Variants in PCDH19 observed in about 807,000 individuals in gnomAD.
PCDH19 encodes protocadherin 19.
Under a neutral mutation model 46.2 loss-of-function variants are expected in PCDH19, and 6 were observed. The observed-to-expected ratio is 0.13, with a 90% CI of 0.07 to 0.26. The LOEUF (loss-of-function observed/expected upper bound fraction) is 0.26. Ranked by LOEUF, PCDH19 falls within the 10% of genes least tolerant of loss-of-function variation. PCDH19 has a pLI of 1.00. For missense variants in PCDH19, 740 were observed against 972.3 expected, an observed-to-expected ratio of 0.76 and a Z score of 3.18; for synonymous variants, 481 against 415.7, an observed-to-expected ratio of 1.16 and a Z score of -1.91.
chrX:100,326,117 G>A (rs1206047851), intron 5 of PCDH19, among the ~76,000 whole-genome samples: 1 of 112,591 alleles, frequency 8.9e-6, no homozygotes, highest in Non-Finnish European at 1.9e-5. Flanking sequence ...TGTCTGAGAG[G>A]CTCCCTCCTG....
chrX:100,399,090 TGTATAATAACTGCTAATG>T (rs761262969), intron 3 of PCDH19, among the ~76,000 whole-genome samples: 1 of 112,155 alleles, frequency 8.9e-6, no homozygotes, highest in Non-Finnish European at 1.9e-5. Context: ...ACATTCTAAA[TGTATAATAACTGCTAATG>T]GGATAAATTA....
Position 100,319,857 on chromosome X carries a change from G to T in PCDH19, c.2848+22046C>A, listed in dbSNP as rs961322418. On this transcript the variant is annotated intron_variant, in intron 5 of 5. Coordinates refer to ENST00000373034, the MANE Select transcript of PCDH19 (RefSeq NM_001184880.2). ...GGAACAGCTGTGTTCTTCACTTAGG[G>T]GAAAGACCTCATTAAGTTGAAAATT... 1.1e-4 allele frequency among the ~76,000 whole-genome samples: 12 copies of T among 111,926 alleles called. No homozygotes were observed. In the East Asian group the frequency reaches 2.8e-3, roughly 26 times the overall value.
intron 5 of PCDH19, among the ~76,000 whole-genome samples, chrX:100,340,806 CA>C (rs1408851617): frequency 1.8e-5 from 2 of 111,810 alleles, no homozygotes; most frequent in African/African-American, 3.3e-5. Context: ...GACTTATTTC[CA>C]AAAACCAAAA....
intron 5 of PCDH19, among the ~76,000 whole-genome samples, chrX:100,309,730 C>T (rs192207042): frequency 3.6e-5 from 4 of 110,917 alleles, no homozygotes; most frequent in African/African-American, 9.8e-5. Context: ...GGTGTGGGAA[C>T]AAAGTTCCTG....
chrX:100,348,065 C>CAAAAAA (rs1177957771), intron 4 of PCDH19, among the ~76,000 whole-genome samples: 3 of 40,577 alleles, frequency 7.4e-5, no homozygotes, highest in African/African-American at 1.1e-4. Flanking sequence ...GATTCCGTCT[C>CAAAAAA]AAAAAAAAAA....
chrX:100,349,688 T>C (rs935682611), intron 4 of PCDH19, among the ~76,000 whole-genome samples: 2 of 112,730 alleles, frequency 1.8e-5, no homozygotes, highest in Admixed American at 9.4e-5. Context: ...ATTTCTATTA[T>C]TTTAACAAAC....
chrX:100,401,451 G>A (rs1350939700), intron 3 of PCDH19, among the ~76,000 whole-genome samples: 1 of 111,516 alleles, frequency 9.0e-6, no homozygotes, highest in Non-Finnish European at 1.9e-5. Context: ...TCAGGAGTTT[G>A]AGACCAGCCT....
chrX:100,355,296 A>C (rs1022105545), intron 3 of PCDH19, among the ~76,000 whole-genome samples: 19 of 111,413 alleles, frequency 1.7e-4, no homozygotes, highest in African/African-American at 6.2e-4. Context: ...TAATTTAACC[A>C]CTTATTGGTT....
intron 5 of PCDH19, among the ~76,000 whole-genome samples, chrX:100,329,923 CA>C: frequency 9.0e-6 from 1 of 111,095 alleles, no homozygotes; most frequent in African/African-American, 3.3e-5. Flanking sequence ...AACAAACAAA[CA>C]AAAAAAGAAC....
chrX:100,396,235 G>A (rs185507515), intron 3 of PCDH19, among the ~76,000 whole-genome samples: 1 of 112,151 alleles, frequency 8.9e-6, no homozygotes, highest in Non-Finnish European at 1.9e-5. Flanking sequence ...TTTGCCAGGA[G>A]GTGACTTCAT....
chrX:100,352,384 T>A (rs1438367377), intron 3 of PCDH19, among the ~76,000 whole-genome samples: 1 of 112,304 alleles, frequency 8.9e-6, no homozygotes, highest in East Asian at 2.8e-4. Flanking sequence ...CAGGTAAAAA[T>A]GATGTTGGTT....
Position 100,367,273 on chromosome X carries a change from G to A in PCDH19, c.2617-16569C>T, listed in dbSNP as rs143496826. The stretch of plus-strand genomic sequence containing the variant: ...ACGCTAGGGATCTGGAGATTAACCC[G>A]ATTCCACTCCTGCCCTCAAGGAGTT... On this transcript the variant is annotated intron_variant, in intron 3 of 5. Transcript: ENST00000373034. 3.1e-3 allele frequency among the ~76,000 whole-genome samples: 344 copies of A among 112,060 alleles called. 1 individual carries two copies. The highest frequency in any genetic ancestry group is 9.1e-3 in the Middle Eastern group (2 of 219).
chrX:100,401,757 T>A (rs1441151261), intron 3 of PCDH19, among the ~76,000 whole-genome samples: 2 of 111,594 alleles, frequency 1.8e-5, no homozygotes, highest in African/African-American at 6.5e-5. Context: ...CTTACTCTTT[T>A]TTTTTTTCGT....
At chrX:100,363,292 G>A (rs1158320971) in intron 3 of PCDH19, among the ~76,000 whole-genome samples, 6 of 93,848 alleles carry the variant, frequency 6.4e-5, no homozygotes, top group South Asian at 4.9e-4. Context: ...CAACAAGAGC[G>A]AAACTCCATC....
In PCDH19 at chrX:100,408,679, T is replaced by C; in HGVS notation, c.-82A>G. 1.1e-6 allele frequency: 1 copy of C among 886,195 alleles called. No individual in the cohort carries two copies. The highest frequency in any genetic ancestry group is 2.2e-5 in the South Asian group (1 of 46,183). The allele number at this position is 886,195 out of a possible 1,213,427, so 73.0% of individuals were successfully genotyped here. On this transcript the variant is annotated 5_prime_UTR_variant, in exon 1 of 6. Transcript: ENST00000373034. ...GTCGGCGCTCCAGCTTCCCGCCGGC[T>C]CGGGCCGCCTGTTGCGCGCGCCCCG...
intron 3 of PCDH19, among the ~76,000 whole-genome samples, chrX:100,359,139 C>T (rs990303177): frequency 2.7e-5 from 3 of 111,649 alleles, no homozygotes; most frequent in Non-Finnish European, 3.8e-5. Context: ...TAGAGCATGC[C>T]GCAACAAGGA....
rs1928539690 is a variant in PCDH19, at chrX:100,409,756, T to TA, written c.-1160dup. Reference sequence around the variant, plus strand: ...CCGCCGCCGCGGGAGGAAGCCCTCCTAGCTCAGTTGCACGTCGCTGGGGTC... The same window carrying TA: ...CCGCCGCCGCGGGAGGAAGCCCTCCTAAGCTCAGTTGCACGTCGCTGGGGTC... On this transcript the variant is annotated 5_prime_UTR_variant, in exon 1 of 6. Transcript: ENST00000373034. 4 of 243,194 alleles carry TA rather than the reference T, an allele frequency of 1.6e-5. No individual in the cohort carries two copies. The highest frequency in any genetic ancestry group is 2.2e-5 in the Non-Finnish European group (3 of 137,678). 20.0% of individuals were successfully genotyped at this position (243,194 alleles called of 1,213,427 possible).
intron 5 of PCDH19, among the ~76,000 whole-genome samples, chrX:100,298,521 T>C (rs1231751016): frequency 3.6e-5 from 4 of 111,847 alleles, no homozygotes; most frequent in Non-Finnish European, 7.5e-5. Context: ...CACTCAGAAT[T>C]TTGTACAGTG....
At chrX:100,391,285 C>G (rs958808372) in intron 3 of PCDH19, among the ~76,000 whole-genome samples, 34 of 111,115 alleles carry the variant, frequency 3.1e-4, no homozygotes, top group African/African-American at 1.1e-3. Flanking sequence ...AGGCAAGACG[C>G]GTGCATCTCC....
Sources: allele counts gnomAD v4.1 joint callset (sites outside exome capture counted in the v4.1 genomes callset), GRCh38; gene constraint gnomAD v4.1.1; transcripts MANE v1.5; gene names NCBI Gene and HGNC (gene_info 2026-07-23, HGNC 2026-07-21).